TJP3: variants seen among roughly 807,000 people sequenced by gnomAD.
The protein encoded by TJP3 is tight junction protein ZO-3.
Under a neutral mutation model 104.2 loss-of-function variants are expected in TJP3, and 85 were observed. The ratio of observed to expected loss-of-function variants is 0.82; its 90% CI spans 0.68 to 0.98. The LOEUF is 0.98. TJP3 is among the 50% of genes least tolerant of loss of function. TJP3 has a pLI of 0.00. For missense variants in TJP3, 1,367 were observed against 1,322.8 expected (o/e 1.03, Z -0.52); for synonymous variants, 550 against 550.6 (o/e 1.00, Z 0.02).
chr19:3,731,797 C>T (rs370625103), intron 5 of TJP3, 138 bp from the exon 6 acceptor site: 95 of 612,086 alleles, frequency 1.6e-4, no homozygotes, highest in African/African-American at 8.7e-4. Context: ...GTCCTACGGG[C>T]GACATCACTG....
At chr19:3,733,672 G>C (rs1424098706) in intron 6 of TJP3, 81 bp from the exon 7 acceptor site, 52 of 1,567,322 alleles carry the variant, frequency 3.3e-5, no homozygotes, top group Non-Finnish European at 4.4e-5. Context: ...TCTGTTTCAA[G>C]TTCCCCCACA....
chr19:3,733,841 TGA>T lies in TJP3; in HGVS notation c.811_812del (p.Asp271SerfsTer14). 4 of 1,614,212 alleles carry T rather than the reference TGA, an allele frequency of 2.5e-6. No individual in the cohort carries two copies. The highest frequency in any genetic ancestry group is 2.2e-5 in the East Asian group (1 of 44,882). ...GAAGGGAAGCTAAGCCTGCTGGTGC[TGA>T]GAGATCGTGGGCAGTTCCTGGTGAA... On this transcript the variant is annotated frameshift_variant, in exon 7 of 21. Coordinates refer to ENST00000541714, the MANE Select transcript of TJP3 (RefSeq NM_001267560.2). LOFTEE classifies it high-confidence loss of function.
In TJP3 at chr19:3,747,663, C is replaced by G; in HGVS notation, c.2323-131C>G. The G allele has an allele frequency of 3.5e-6, 4 of 1,131,824 alleles. No individual in the cohort carries two copies. The South Asian group carries it at 4.9e-5, about 14-fold the overall frequency. The allele number at this position is 1,131,824 out of a possible 1,614,324, so 70.1% of individuals were successfully genotyped here. A position where few individuals can be genotyped will look rare whatever the true frequency, so the allele number is the denominator to read the frequency against. On this transcript the variant is annotated intron_variant, in intron 18 of 20. Transcript: ENST00000541714. Reference sequence around the variant, plus strand: ...ACCCATCCTGGAGTCAACAGAGAAGCCTCCACTGAGGCTCCAGGCTCCAGG... The same window carrying G: ...ACCCATCCTGGAGTCAACAGAGAAGGCTCCACTGAGGCTCCAGGCTCCAGG...
At chr19:3,710,728 G>A (rs1004090703) in intron 1 of TJP3, among the ~76,000 whole-genome samples, 1 of 151,980 alleles carries the variant, frequency 6.6e-6, no homozygotes. Context: ...CTGTATGCGC[G>A]AGTGTGGGGT....
In TJP3 at chr19:3,746,834, T is replaced by C. The variant is rs1370157177; in HGVS notation, c.2280T>C (p.Ile760=). Residue 760 remains isoleucine, a synonymous_variant, in exon 18 of 21, where the codon ATT becomes ATC. Coordinates refer to ENST00000541714, the MANE Select transcript of TJP3 (RefSeq NM_001267560.2). The surrounding 1 kb of genome is among the most constrained non-coding windows in gnomAD (Gnocchi z 4.1). ...GGTACCAGGAGCTCAAGGCCATCAT[T>C]CGAGAGCAGCAGACGCGGCCCATCT... ...DTWYQELKAI[I]REQQTRPIWT... is the part of the protein sequence containing the mutation. The C allele has an allele frequency of 3.7e-6, 6 of 1,608,818 alleles. No homozygotes were observed. In the East Asian group the frequency reaches 1.1e-4, roughly 30 times the overall value.
At chr19:3,731,065 T>G (rs2036665286) in intron 5 of TJP3, among the ~76,000 whole-genome samples, 1 of 152,340 alleles carries the variant, frequency 6.6e-6, no homozygotes, top group Admixed American at 6.5e-5. Context: ...TTTCTGTCCC[T>G]TTCTGCCTGT....
At chr19:3,709,162 C>A (rs2036411042) in intron 1 of TJP3, among the ~76,000 whole-genome samples, 1 of 152,070 alleles carries the variant, frequency 6.6e-6, no homozygotes, top group African/African-American at 2.4e-5. Flanking sequence ...GTTGCCCAGG[C>A]TGGAGTGCAG....
At position 3,738,441 on chromosome 19, in the gene TJP3, G is replaced by C. The variant is rs2036766705; in HGVS notation, c.1285-114G>C. The C allele has an allele frequency of 1.3e-5, 11 of 876,884 alleles. No homozygotes were observed. The South Asian group carries it at 1.4e-4, about 11-fold the overall frequency. 54.3% of individuals were successfully genotyped at this position (876,884 alleles called of 1,614,324 possible). On this transcript the variant is annotated intron_variant, in intron 11 of 20. Transcript: ENST00000541714. ...CCTCGGGGAACTGCCGGGTCCCTTG[G>C]CAGCAGCTCTGGAAGCAGCTGGGGC...
At chr19:3,749,741 T>C (rs2036965053) in intron 19 of TJP3, 1 of 232,098 alleles carries the variant, frequency 4.3e-6, no homozygotes, top group Non-Finnish European at 8.4e-6. Flanking sequence ...AATGTAAAAA[T>C]CTATGAATCA....
intron 1 of TJP3, among the ~76,000 whole-genome samples, chr19:3,722,067 G>T (rs542795867): frequency 1.4e-5 from 2 of 147,574 alleles, no homozygotes; most frequent in East Asian, 4.2e-4. Flanking sequence ...CTAGCTGGAG[G>T]TTGCACTTCG....
chr19:3,711,748 A>AAAAGAAG lies in TJP3; in HGVS notation c.-10+3191_-10+3192insAAGAAAG, dbSNP rs1555736163. Among the ~76,000 whole-genome samples the AAAAGAAG allele has an allele frequency of 6.3e-3, 808 of 128,160 alleles. 35 individuals carry two copies. Among genetic ancestry groups the AAAAGAAG allele is most frequent in the African/African-American group, 0.023 (778 of 33,516 alleles). 84.1% of individuals were successfully genotyped at this position (128,160 alleles called of 152,430 possible). On this transcript the variant is annotated intron_variant, in intron 1 of 20. Coordinates refer to ENST00000541714, the MANE Select transcript of TJP3 (RefSeq NM_001267560.2). ...TCTACTAAAAGTACAAAAAAAAAAA[A>AAAAGAAG]AAAGGTGCTTTATGTGTCTGCTTAA...
chr19:3,744,669 A>AC (rs1163125409), intron 15 of TJP3, among the ~76,000 whole-genome samples: 3 of 150,142 alleles, frequency 2.0e-5, no homozygotes, highest in East Asian at 3.9e-4. Flanking sequence ...TCAAAAAAAA[A>AC]AAAAACAAAA....
In TJP3 at chr19:3,737,904, G is replaced by A. The variant is rs142107255; in HGVS notation, c.1285-651G>A. On this transcript the variant is annotated intron_variant, in intron 11 of 20. Transcript: ENST00000541714. ...GTCCCTGTTATGACCCTGAGAGCAG[G>A]TGGCTGTGTCTGTATATTGCTGTCC... Among the ~76,000 whole-genome samples, 1,003 of 152,222 alleles carry A rather than the reference G, an allele frequency of 6.6e-3. 3 individuals carry two copies. Among genetic ancestry groups the A allele is most frequent in the Middle Eastern group, 0.017 (5 of 294 alleles).
At chr19:3,721,801 C>A in intron 1 of TJP3, 1 of 680,442 alleles carries the variant, frequency 1.5e-6, no homozygotes, top group Non-Finnish European at 2.1e-6. Flanking sequence ...CTGTGACTCT[C>A]CTCAGCCCCC....
chr19:3,734,082 G>A (rs2036706269), intron 7 of TJP3, among the ~76,000 whole-genome samples, 170 bp downstream of exon 7: 3 of 152,160 alleles, frequency 2.0e-5, no homozygotes, highest in Admixed American at 6.5e-5. Flanking sequence ...GGGCGATCTC[G>A]GCTCACTGGG....
rs549831017 is a variant in TJP3 at position 3,745,133 on chromosome 19, CTTTTTTTTTTTTTTTT to C, written c.1940-863_1940-848del. On this transcript the variant is annotated intron_variant, in intron 15 of 20. Transcript: ENST00000541714. ...TTAAAAAAAGATGCAAATTTTATGT[CTTTTTTTTTTTTTTTT>C]TTTTTTTTTTTTTTGCATCAGAGTC... 3.7e-4 allele frequency among the ~76,000 whole-genome samples: 26 copies of C among 70,026 alleles called. No individual in the cohort carries two copies. The East Asian group carries it at 5.7e-3, about 15-fold the overall frequency. The allele number at this position is 70,026 out of a possible 152,430, so 45.9% of individuals were successfully genotyped here.
rs1046268 is a variant in TJP3 at position 3,750,617 on chromosome 19, T to C, written c.2693T>C (p.Met898Thr). 879,190 of 1,605,634 alleles carry C rather than the reference T, an allele frequency of 0.55. 243,832 individuals carry two copies. Among genetic ancestry groups the C allele is most frequent in the Admixed American group, 0.69 (40,769 of 58,844 alleles). Residue 898 changes from methionine to threonine, a missense_variant, in exon 21 of 21, where the codon ATG becomes ACG. Transcript: ENST00000541714. ...YEREALKKKF[M>T]RVHDAESSDE... ...CGGGAAGCCCTGAAGAAAAAGTTTA[T>C]GCGAGTACATGATGCGGAGTCCTCC...
chr19:3,728,264 C>T, intron 1 of TJP3, 160 bp from the exon 2 acceptor site: 1 of 1,191,030 alleles, frequency 8.4e-7, no homozygotes, highest in Non-Finnish European at 1.2e-6. Flanking sequence ...AACAAAAAAA[C>T]AAACAAAAAA....
chr19:3,709,592 C>T (rs2036414903), intron 1 of TJP3, among the ~76,000 whole-genome samples: 1 of 152,178 alleles, frequency 6.6e-6, no homozygotes, highest in Non-Finnish European at 1.5e-5. Context: ...AGTCTCTCTC[C>T]AGAACCAAGA....
Sources: allele counts gnomAD v4.1 joint callset (sites outside exome capture counted in the v4.1 genomes callset), GRCh38; gene constraint gnomAD v4.1.1; non-coding constraint Gnocchi (gnomAD v3.1); transcripts MANE v1.5; gene names NCBI Gene and HGNC (gene_info 2026-07-23, HGNC 2026-07-21).